The following RGS7 variants were observed in gnomAD, a reference collection of about 807,000 sequenced individuals.
The protein encoded by RGS7 is regulator of G-protein signaling 7.
Under a neutral mutation model 81.1 loss-of-function variants are expected in RGS7, and 27 were observed. The observed-to-expected ratio is 0.33, with a 90% CI of 0.25 to 0.46. RGS7 has a LOEUF of 0.46. Among genes scored for constraint, RGS7 ranks in the 20% least tolerant of loss-of-function variants. The pLI is 1.00. For missense variants in RGS7, 396 were observed against 607.4 expected (o/e 0.65, Z 3.66); for synonymous variants, 208 against 207.7 (o/e 1.00, Z -0.01).
chr1:241,306,589 TACAC>T (rs902314721), intron 2 of RGS7, among the ~76,000 whole-genome samples: 9 of 146,372 alleles, frequency 6.1e-5, no homozygotes, highest in African/African-American at 2.0e-4. Flanking sequence ...TACAAACCCT[TACAC>T]ACACACCTTC....
intron 3 of RGS7, among the ~76,000 whole-genome samples, chr1:241,091,905 A>C (rs1438022813): frequency 3.9e-5 from 6 of 152,078 alleles, no homozygotes; most frequent in Non-Finnish European, 8.8e-5. Context: ...AAACCAAAAA[A>C]CCAACTTTAT....
At chr1:241,214,195 A>AT (rs1441365259) in intron 2 of RGS7, among the ~76,000 whole-genome samples, 1 of 152,244 alleles carries the variant, frequency 6.6e-6, no homozygotes, top group East Asian at 1.9e-4. Context: ...TTCTCATGTT[A>AT]TAGACCTGTC....
At chr1:240,910,813 G>T (rs1169246777) in intron 6 of RGS7, among the ~76,000 whole-genome samples, 1 of 152,024 alleles carries the variant, frequency 6.6e-6, no homozygotes, top group Admixed American at 6.6e-5. Context: ...CGCCTCCCAG[G>T]TTCAAGGGGA....
At chr1:241,272,527 G>A (rs1403276860) in intron 2 of RGS7, among the ~76,000 whole-genome samples, 1 of 152,114 alleles carries the variant, frequency 6.6e-6, no homozygotes, top group Non-Finnish European at 1.5e-5. Flanking sequence ...TCTCATATGT[G>A]CTTTCCTTGA....
At chr1:241,276,333 A>G (rs1277021482) in intron 2 of RGS7, among the ~76,000 whole-genome samples, 1 of 152,090 alleles carries the variant, frequency 6.6e-6, no homozygotes, top group African/African-American at 2.4e-5. Context: ...ACATGGAGCA[A>G]CTCTTGCCAT....
At chr1:240,941,121 T>C (rs1677509646) in intron 4 of RGS7, among the ~76,000 whole-genome samples, 1 of 152,216 alleles carries the variant, frequency 6.6e-6, no homozygotes, top group Non-Finnish European at 1.5e-5. Flanking sequence ...CATCATGTCA[T>C]GAATTTAGTA....
chr1:241,340,190 T>A (rs2082458774), intron 2 of RGS7, among the ~76,000 whole-genome samples: 1 of 152,180 alleles, frequency 6.6e-6, no homozygotes, highest in African/African-American at 2.4e-5. Flanking sequence ...AAAAGAAATA[T>A]TATGAAAAGA....
At chr1:241,296,607 A>G (rs2079441788) in intron 2 of RGS7, among the ~76,000 whole-genome samples, 1 of 152,210 alleles carries the variant, frequency 6.6e-6, no homozygotes, top group Non-Finnish European at 1.5e-5. Flanking sequence ...GAAGACGTTC[A>G]TCTCTTGAGT....
chr1:240,855,754 T>TTA (rs898161706), intron 9 of RGS7, among the ~76,000 whole-genome samples: 38 of 151,970 alleles, frequency 2.5e-4, no homozygotes, highest in African/African-American at 9.2e-4. Context: ...GAAAAAGATT[T>TTA]TATCTTTTTA....
chr1:240,904,301 A>T (rs1446226914), intron 6 of RGS7, among the ~76,000 whole-genome samples: 2 of 152,214 alleles, frequency 1.3e-5, no homozygotes, highest in East Asian at 1.9e-4. Context: ...CGGGAGTGTT[A>T]CAAAGCTTTG....
chr1:240,918,128 G>C (rs531420246), intron 6 of RGS7, among the ~76,000 whole-genome samples: 1 of 152,206 alleles, frequency 6.6e-6, no homozygotes, highest in African/African-American at 2.4e-5. Flanking sequence ...AGATTACAAA[G>C]AGAAATGGAT....
intron 5 of RGS7, among the ~76,000 whole-genome samples, chr1:240,933,092 C>T (rs565227860): frequency 4.3e-4 from 64 of 150,566 alleles, no homozygotes; most frequent in Admixed American, 1.5e-3. Context: ...CCGTGTTAGC[C>T]AGGATGGTCT....
chr1:241,050,455 C>G (rs575384341), intron 3 of RGS7, among the ~76,000 whole-genome samples: 1 of 152,166 alleles, frequency 6.6e-6, no homozygotes, highest in African/African-American at 2.4e-5. Flanking sequence ...ACTGAGGAGT[C>G]CAAGAATTCC....
chr1:241,160,033 C>T (rs761058730), intron 2 of RGS7, among the ~76,000 whole-genome samples: 4 of 148,508 alleles, frequency 2.7e-5, no homozygotes, highest in Non-Finnish European at 4.4e-5. Context: ...GGTTTTAATC[C>T]CTGGGAGGTG....
intron 9 of RGS7, among the ~76,000 whole-genome samples, chr1:240,830,036 A>G (rs964912560): frequency 6.6e-6 from 1 of 152,178 alleles, no homozygotes; most frequent in Non-Finnish European, 1.5e-5. Flanking sequence ...AGGGAGGAAT[A>G]AAAAGTCCCA....
chr1:240,885,299 G>C (rs185147121), intron 6 of RGS7, among the ~76,000 whole-genome samples: 22 of 152,126 alleles, frequency 1.4e-4, no homozygotes, highest in African/African-American at 5.1e-4. Flanking sequence ...GCACACTCTT[G>C]GTGGGAGTGT....
chr1:240,953,914 A>G (rs1481837044), intron 4 of RGS7, among the ~76,000 whole-genome samples: 1 of 152,052 alleles, frequency 6.6e-6, no homozygotes, highest in Non-Finnish European at 1.5e-5. Flanking sequence ...GAAATCAGAG[A>G]GTGGTCATCA....
intron 18 of RGS7, among the ~76,000 whole-genome samples, chr1:240,785,578 T>C (rs993029705): frequency 3.3e-5 from 5 of 152,128 alleles, no homozygotes; most frequent in Non-Finnish European, 7.4e-5. Flanking sequence ...GCAAATCTCA[T>C]TAAGGGAATA....
At chr1:241,309,845 G>A (rs1055096599) in intron 2 of RGS7, among the ~76,000 whole-genome samples, 1 of 152,156 alleles carries the variant, frequency 6.6e-6, no homozygotes, top group African/African-American at 2.4e-5. Context: ...CTTAACACAC[G>A]CGTTGAAGTA....
Sources: allele counts gnomAD v4.1 joint callset (sites outside exome capture counted in the v4.1 genomes callset), GRCh38; gene constraint gnomAD v4.1.1; transcripts MANE v1.5; gene names NCBI Gene and HGNC (gene_info 2026-07-23, HGNC 2026-07-21).